Variants in GARIN1B observed in about 807,000 individuals in gnomAD.
GARIN1B encodes the protein Golgi-associated RAB2 interactor protein 1B.
the GARIN1B span, among the ~76,000 whole-genome samples, chr7:128,725,656 G>T: frequency 9.2e-5 from 14 of 152,188 alleles, no homozygotes; most frequent in African/African-American, 3.1e-4. Context: ...ATAGGAGGGA[G>T]CCACTGTGTC....
At chr7:128,721,301 T>A in the GARIN1B span, among the ~76,000 whole-genome samples, 2 of 152,158 alleles carry the variant, frequency 1.3e-5, no homozygotes, top group African/African-American at 4.8e-5. Context: ...GTAGACAAAT[T>A]CTGCAAGTTC....
chr7:128,715,596 T>C, the GARIN1B span: 1 of 1,614,136 alleles, frequency 6.2e-7, no homozygotes, highest in Non-Finnish European at 8.5e-7. Context: ...GGAGCGGGCC[T>C]AGGTGTGGAG....
At chr7:128,724,957 T>C in the GARIN1B span, 1 of 1,055,900 alleles carries the variant, frequency 9.5e-7, no homozygotes. Flanking sequence ...GGGCTCAGTC[T>C]TCAGATCTGT....
At chr7:128,711,704 G>T in the GARIN1B span, among the ~76,000 whole-genome samples, 1 of 149,788 alleles carries the variant, frequency 6.7e-6, no homozygotes, top group South Asian at 2.1e-4. Context: ...CACACTTACA[G>T]TGATGTTCTC....
the GARIN1B span, chr7:128,730,082 G>A: frequency 1.2e-6 from 2 of 1,607,264 alleles, no homozygotes; most frequent in Admixed American, 1.7e-5. Context: ...ACAGCAATGG[G>A]AGGAATCCCC....
the GARIN1B span, among the ~76,000 whole-genome samples, chr7:128,727,693 A>G: frequency 6.6e-6 from 1 of 151,934 alleles, no homozygotes; most frequent in Non-Finnish European, 1.5e-5. Flanking sequence ...TCTAGCCCAA[A>G]TCTTTTGCTC....
the GARIN1B span, chr7:128,715,446 T>C: frequency 1.1e-5 from 17 of 1,613,874 alleles, 1 homozygote; most frequent in Admixed American, 1.7e-5. Context: ...GTAGAAATGT[T>C]GTCATCATTT....
the GARIN1B span, chr7:128,723,136 T>C: frequency 4.1e-6 from 6 of 1,481,252 alleles, no homozygotes; most frequent in Non-Finnish European, 5.4e-6. Flanking sequence ...ACCATGATAT[T>C]AGGAAAATGT....
the GARIN1B span, chr7:128,726,944 C>A: frequency 7.2e-7 from 1 of 1,379,758 alleles, no homozygotes; most frequent in Non-Finnish European, 1.0e-6. Context: ...TCCCCTCCAG[C>A]CCCCATCCTG....
chr7:128,723,089 T>A, the GARIN1B span: 1 of 1,359,432 alleles, frequency 7.4e-7, no homozygotes, highest in Non-Finnish European at 9.7e-7. Flanking sequence ...GTGGCTGCAC[T>A]TTGGAAAATT....
chr7:128,728,459 A>G, the GARIN1B span, among the ~76,000 whole-genome samples: 1 of 152,076 alleles, frequency 6.6e-6, no homozygotes, highest in South Asian at 2.1e-4. Flanking sequence ...AAAAATGGAT[A>G]AAGGGCTGGG....
chr7:128,724,300 T>C, the GARIN1B span, among the ~76,000 whole-genome samples: 3 of 152,240 alleles, frequency 2.0e-5, no homozygotes, highest in Non-Finnish European at 4.4e-5. Context: ...CGTGAGCCAC[T>C]GTGCCCAGTC....
the GARIN1B span, among the ~76,000 whole-genome samples, chr7:128,727,304 G>A: frequency 1.3e-5 from 2 of 152,142 alleles, no homozygotes; most frequent in African/African-American, 2.4e-5. Flanking sequence ...GAAAATCCCC[G>A]AATTACAAAA....
chr7:128,719,309 T>C, the GARIN1B span, among the ~76,000 whole-genome samples: 11 of 152,118 alleles, frequency 7.2e-5, no homozygotes, highest in African/African-American at 2.4e-4. Context: ...ATATAAATTG[T>C]TTATTGTTTT....
the GARIN1B span, chr7:128,731,238 A>G: frequency 1.1e-6 from 1 of 938,788 alleles, no homozygotes; most frequent in Non-Finnish European, 1.7e-6. Context: ...GAATAGAGTC[A>G]TCTCACGGTG....
chr7:128,724,999 C>A, the GARIN1B span: 1 of 689,788 alleles, frequency 1.4e-6, no homozygotes, highest in Non-Finnish European at 2.0e-6. Context: ...CCAACGCCAT[C>A]CAGATGTCAG....
At chr7:128,717,114 T>A in the GARIN1B span, 2 of 960,022 alleles carry the variant, frequency 2.1e-6, no homozygotes, top group African/African-American at 3.3e-5. Context: ...GTGACATTGA[T>A]TTTTTTAGAC....
At chr7:128,724,966 G>A in the GARIN1B span, 1 of 1,007,944 alleles carries the variant, frequency 9.9e-7, no homozygotes, top group South Asian at 1.8e-5. Context: ...CTTCAGATCT[G>A]TAAAATGGAA....
At chr7:128,719,899 C>A in the GARIN1B span, among the ~76,000 whole-genome samples, 16 of 151,778 alleles carry the variant, frequency 1.1e-4, no homozygotes, top group African/African-American at 3.9e-4. Context: ...GGGGTTTCAC[C>A]ATGTTAGCCA....
Sources: gnomAD v4.1 joint callset for allele counts (sites outside exome capture counted in the v4.1 genomes callset) on GRCh38, gnomAD v4.1.1 for gene constraint, MANE v1.5 for transcripts, NCBI Gene and HGNC (gene_info 2026-07-23, HGNC 2026-07-21) for gene names.